INSR: variants seen among roughly 807,000 people sequenced by gnomAD.
The protein encoded by INSR is insulin receptor.
In INSR, 67 loss-of-function variants were observed where a neutral mutation model predicts 142.6. The ratio of observed to expected loss-of-function variants is 0.47; its 90% CI spans 0.39 to 0.58. The LOEUF is 0.58. Ranked by LOEUF, INSR falls within the 20% of genes least tolerant of loss-of-function variation. The pLI is 0.00. For synonymous variants in INSR, 756 were observed against 743.1 expected (o/e 1.02, Z -0.28); for missense variants, 1,248 against 1,833.2 (o/e 0.68, Z 5.83).
chr19:7,121,392 G>A lies in INSR; in HGVS notation c.3530-643C>T, dbSNP rs528327167. Among the ~76,000 whole-genome samples, 22 of 152,272 alleles carry A rather than the reference G, an allele frequency of 1.4e-4. No homozygotes were observed. In the East Asian group the frequency reaches 2.9e-3, roughly 20 times the overall value. ...ATGTCGAGATGACTTGCTGTGACAC[G>A]CAAGGTCCTTCTGGGTCTGGTTTCT... On this transcript the variant is annotated intron_variant, in intron 19 of 21. Coordinates refer to ENST00000302850, the MANE Select transcript of INSR (RefSeq NM_000208.4).
In INSR at chr19:7,267,454, C is replaced by T. The variant is rs1465549841; in HGVS notation, c.543G>A (p.Glu181=). Residue 181 remains glutamate (E), a synonymous_variant, in exon 2 of 22, where the codon GAG becomes GAA. Coordinates refer to ENST00000302850, the MANE Select transcript of INSR (RefSeq NM_000208.4). The surrounding 1 kb of genome is among the most constrained non-coding windows in gnomAD (Gnocchi z 6.3). ...YIVLNKDDNE[E]CGDICPGTAK... ...CGGTACCCGGACAGATGTCTCCACA[C>T]TCCTCGTTGTCATCTTTGTTCAACA... 6.2e-7 allele frequency: 1 copy of T among 1,614,124 alleles called. No individual in the cohort carries two copies. The highest frequency in any genetic ancestry group is 8.5e-7 in the Non-Finnish European group (1 of 1,180,020).
chr19:7,241,451 C>T (rs975931277), intron 2 of INSR, among the ~76,000 whole-genome samples: 1 of 151,870 alleles, frequency 6.6e-6, no homozygotes, highest in Non-Finnish European at 1.5e-5. Flanking sequence ...GGTGAAACCC[C>T]GTCTCTACAA....
intron 9 of INSR, 26 bp from the exon 10 acceptor site, chr19:7,152,953 GCT>G (rs745770795): frequency 6.3e-7 from 1 of 1,575,654 alleles, no homozygotes. Flanking sequence ...GAAAAGGGGG[GCT>G]CAAGTCTCTG....
At chr19:7,183,263 GGTGTGT>G (rs71177167) in intron 3 of INSR, among the ~76,000 whole-genome samples, 35,691 of 146,494 alleles carry the variant, frequency 0.24, 4,420 homozygotes, top group Non-Finnish European at 0.28. Flanking sequence ...GTTGTTTTGT[GGTGTGT>G]GTGTGTGTGT....
intron 2 of INSR, among the ~76,000 whole-genome samples, chr19:7,230,454 C>T (rs539434573): frequency 2.6e-5 from 4 of 152,218 alleles, no homozygotes; most frequent in South Asian, 2.1e-4. Context: ...GTCACTGAGG[C>T]GATGACAGGA....
Position 7,293,547 on chromosome 19 carries a change from A to T in INSR, c.100+245T>A, listed in dbSNP as rs1968554006. Among the ~76,000 whole-genome samples, 2 of 151,900 alleles carry T rather than the reference A, an allele frequency of 1.3e-5. 1 individual carries two copies. The highest frequency in any genetic ancestry group is 4.1e-4 in the South Asian group (2 of 4,820). On this transcript the variant is annotated intron_variant, in intron 1 of 21. Coordinates refer to ENST00000302850, the MANE Select transcript of INSR (RefSeq NM_000208.4). ...GAGAGGAGCCCGCGGCGGGGCGGGC[A>T]CCGGGGCAAGGTTCCTCGGGCTCAG... is the stretch of plus-strand genomic sequence containing the variant.
At chr19:7,268,210 CAGA>C (rs1429113747) in intron 1 of INSR, among the ~76,000 whole-genome samples, 2 of 152,182 alleles carry the variant, frequency 1.3e-5, no homozygotes, top group East Asian at 1.9e-4. Context: ...GCGGCAGGTG[CAGA>C]AGGAGAAAGG....
rs1968583552 is a variant in INSR at position 7,294,362 on chromosome 19, G to T, written c.-471C>A. ...AGGGCTGCTCGGGCCCGTAAACAAC[G>T]CGGCCCGTCAGCTGGGCCCCGTGCG... On this transcript the variant is annotated 5_prime_UTR_variant, in exon 1 of 22. Transcript: ENST00000302850. Among the ~76,000 whole-genome samples, 1 of 151,638 alleles carries T rather than the reference G, an allele frequency of 6.6e-6. No individual in the cohort carries two copies. Among genetic ancestry groups the T allele is most frequent in the Admixed American group, 6.6e-5 (1 of 15,248 alleles).
chr19:7,184,909 A>C (rs1156689803), intron 2 of INSR, among the ~76,000 whole-genome samples: 1 of 152,182 alleles, frequency 6.6e-6, no homozygotes, highest in Non-Finnish European at 1.5e-5. Context: ...GGAGGCCCAG[A>C]TTTATATAGC....
chr19:7,262,673 G>GA (rs1400819193), intron 2 of INSR, among the ~76,000 whole-genome samples: 1 of 152,184 alleles, frequency 6.6e-6, no homozygotes, highest in East Asian at 1.9e-4. Flanking sequence ...CCTTAAAAAG[G>GA]AAAGAATTTC....
chr19:7,155,521 G>A (rs1973566830), intron 9 of INSR, among the ~76,000 whole-genome samples: 1 of 133,822 alleles, frequency 7.5e-6, no homozygotes, highest in Non-Finnish European at 1.5e-5. Context: ...CTGGGTGACA[G>A]AGGAAGCATT....
At position 7,119,172 on chromosome 19, in the gene INSR, A is replaced by G. The variant is rs1464659713; in HGVS notation, c.3794+277T>C. ...GATATGCTGATGCACACAGAAACATATAATATGCAAACATAAATACCTATG... is the reference window on the plus strand; with the variant it reads ...GATATGCTGATGCACACAGAAACATGTAATATGCAAACATAAATACCTATG... On this transcript the variant is annotated intron_variant, in intron 21 of 21. Coordinates refer to ENST00000302850, the MANE Select transcript of INSR (RefSeq NM_000208.4). This position sits in a 1 kb window ranked among gnomAD's most constrained non-coding sequence, Gnocchi z 5.2. Among the ~76,000 whole-genome samples, 1 of 152,256 alleles carries G rather than the reference A, an allele frequency of 6.6e-6. No individual in the cohort carries two copies. Among genetic ancestry groups the G allele is most frequent in the Non-Finnish European group, 1.5e-5 (1 of 68,044 alleles).
At chr19:7,234,540 T>C (rs1207875872) in intron 2 of INSR, among the ~76,000 whole-genome samples, 1 of 152,124 alleles carries the variant, frequency 6.6e-6, no homozygotes, top group Non-Finnish European at 1.5e-5. Context: ...AGGATGTATG[T>C]AGGTTATGTA....
chr19:7,154,486 T>G (rs1340755008), intron 9 of INSR, among the ~76,000 whole-genome samples: 1 of 150,042 alleles, frequency 6.7e-6, no homozygotes, highest in Non-Finnish European at 1.5e-5. Flanking sequence ...GTATTTTTAG[T>G]AGAGATGGGG....
At chr19:7,263,671 G>A (rs182656000) in intron 2 of INSR, among the ~76,000 whole-genome samples, 9 of 152,158 alleles carry the variant, frequency 5.9e-5, no homozygotes, top group Admixed American at 4.6e-4. Context: ...GTGCAGCTTC[G>A]ACCTCCTGGA....
chr19:7,127,600 C>T (rs916917088), intron 15 of INSR, among the ~76,000 whole-genome samples: 8 of 152,130 alleles, frequency 5.3e-5, no homozygotes, highest in African/African-American at 1.9e-4. Flanking sequence ...TAACACTGCA[C>T]TCAGTAATAT....
intron 2 of INSR, among the ~76,000 whole-genome samples, chr19:7,248,366 G>A (rs1195730229): frequency 6.8e-6 from 1 of 147,504 alleles, no homozygotes; most frequent in African/African-American, 2.5e-5. Flanking sequence ...CATGCCTGTA[G>A]TGCCAGCTAC....
Position 7,152,842 on chromosome 19 carries a change from C to G in INSR, c.2115G>C (p.Ser705=), listed in dbSNP as rs1006491042. The part of the protein sequence containing the change: ...QKHNQSEYED[S]AGECCSCPKT... The stretch of plus-strand genomic sequence containing the variant: ...TTGGACAGGAGCAGCATTCGCCGGC[C>G]GAATCCTCATACTCACTCTGGTTGT... The change falls in exon 10 of 22, where the codon TCG becomes TCC. Residue 705 remains serine, a synonymous_variant. Transcript: ENST00000302850. The G allele has an allele frequency of 6.2e-7, 1 of 1,613,416 alleles. No homozygotes were observed. Among genetic ancestry groups the G allele is most frequent in the East Asian group, 2.2e-5 (1 of 44,872 alleles).
intron 13 of INSR, among the ~76,000 whole-genome samples, chr19:7,140,002 ATTTTTAGCAGAGACGGAG>A (rs1184073998): frequency 6.6e-6 from 1 of 151,870 alleles, no homozygotes; most frequent in Non-Finnish European, 1.5e-5. Context: ...TAATTTCTGT[ATTTTTAGCAGAGACGGAG>A]TTTCGCCATG....
Sources: allele counts gnomAD v4.1 joint callset (sites outside exome capture counted in the v4.1 genomes callset), GRCh38; gene constraint gnomAD v4.1.1; non-coding constraint Gnocchi (gnomAD v3.1); transcripts MANE v1.5; gene names NCBI Gene and HGNC (gene_info 2026-07-23, HGNC 2026-07-21).